SYNPO2: variants seen among roughly 807,000 people sequenced by gnomAD.
SYNPO2 encodes the protein synaptopodin-2.
In SYNPO2, 56 loss-of-function variants were observed where a neutral mutation model predicts 85.0. The ratio of observed to expected loss-of-function variants is 0.66; its 90% CI spans 0.53 to 0.82. The LOEUF (loss-of-function observed/expected upper bound fraction) is 0.82, where lower values mean the gene tolerates loss of function less well. Ranked by LOEUF, SYNPO2 falls within the 40% of genes least tolerant of loss-of-function variation. The probability of loss-of-function intolerance (pLI) is 0.00; values close to 1 mark genes in which losing one functional copy is unlikely to be tolerated. For missense variants in SYNPO2, 1,575 were observed against 1,534.2 expected, an observed-to-expected ratio of 1.03 and a Z score of -0.44; for synonymous variants, 602 against 591.1, an observed-to-expected ratio of 1.02 and a Z score of -0.27.
intron 1 of SYNPO2, among the ~76,000 whole-genome samples, chr4:118,960,073 A>AGGGC (rs763758861): frequency 1.4e-4 from 22 of 152,194 alleles, no homozygotes; most frequent in Non-Finnish European, 2.8e-4. Context: ...TGTGGCCACA[A>AGGGC]GGGCACAAGT....
At chr4:118,995,660 A>G (rs1037869662) in intron 1 of SYNPO2, among the ~76,000 whole-genome samples, 1 of 152,200 alleles carries the variant, frequency 6.6e-6, no homozygotes, top group Non-Finnish European at 1.5e-5. Context: ...CTCTGAAGCT[A>G]GATTACCCAG....
intron 1 of SYNPO2, among the ~76,000 whole-genome samples, chr4:118,954,326 C>CT (rs1044906076): frequency 1.1e-4 from 17 of 151,886 alleles, no homozygotes; most frequent in Non-Finnish European, 2.1e-4. Context: ...CTCGCTCTTT[C>CT]TTTTTTTTCC....
chr4:118,880,229 C>A (rs908023714), intron 1 of SYNPO2, among the ~76,000 whole-genome samples: 1 of 152,158 alleles, frequency 6.6e-6, no homozygotes, highest in African/African-American at 2.4e-5. Flanking sequence ...TCTGTCTGGT[C>A]ATTTTATATA....
At chr4:119,036,995 A>T in intron 4 of SYNPO2, 1 of 1,329,800 alleles carries the variant, frequency 7.5e-7, no homozygotes, top group Non-Finnish European at 9.6e-7. Context: ...TGTTATTAAT[A>T]TAGGTAATAA....
chr4:118,871,328 G>A (rs187134471), intron 1 of SYNPO2, among the ~76,000 whole-genome samples: 25 of 151,428 alleles, frequency 1.7e-4, no homozygotes, highest in East Asian at 1.6e-3. Flanking sequence ...TGGAATTACA[G>A]GAGTGACTCC....
intron 1 of SYNPO2, among the ~76,000 whole-genome samples, chr4:118,977,110 G>C (rs552105634): frequency 6.6e-6 from 1 of 152,208 alleles, no homozygotes; most frequent in South Asian, 2.1e-4. Context: ...GGTGGTGCTC[G>C]TCAGGGAGGC....
At chr4:118,920,650 G>A (rs1733502335) in intron 1 of SYNPO2, among the ~76,000 whole-genome samples, 1 of 152,094 alleles carries the variant, frequency 6.6e-6, no homozygotes. Context: ...TGTAGTTTGA[G>A]TGTAATGTAA....
rs1738255809 is a variant in SYNPO2, at chr4:119,031,463, C to T, written c.2688C>T (p.His896=). ...TCGATTCAGACACGGTGCAGGCCCA[C>T]GCTGCTCGAGCTCAGTCTCCCACTC... ...YVVDSDTVQA[H]AARAQSPTPS... is the part of the protein sequence containing the mutation. The change falls in exon 4 of 5, where the codon CAC becomes CAT. Residue 896 remains histidine (H), a synonymous_variant. Transcript: ENST00000307142. 7 of 1,613,984 alleles carry T rather than the reference C, an allele frequency of 4.3e-6. No individual in the cohort carries two copies. Among genetic ancestry groups the T allele is most frequent in the African/African-American group, 2.7e-5 (2 of 74,888 alleles).
At chr4:118,964,261 G>A (rs1316780785) in intron 1 of SYNPO2, among the ~76,000 whole-genome samples, 2 of 151,732 alleles carry the variant, frequency 1.3e-5, no homozygotes, top group Non-Finnish European at 2.9e-5. Context: ...ACCAGCCTGG[G>A]CAACAGGCAA....
At chr4:118,998,648 C>T (rs1254769543) in intron 1 of SYNPO2, among the ~76,000 whole-genome samples, 1 of 152,208 alleles carries the variant, frequency 6.6e-6, no homozygotes, top group African/African-American at 2.4e-5. Context: ...GTGCTAGTTT[C>T]AGCTGTGTCA....
intron 1 of SYNPO2, among the ~76,000 whole-genome samples, chr4:118,895,715 G>A (rs902684606): frequency 6.6e-6 from 1 of 152,190 alleles, no homozygotes; most frequent in Non-Finnish European, 1.5e-5. Flanking sequence ...CACAGGAAAT[G>A]CAAGGATCCT....
At chr4:119,033,452 CTTT>C (rs1439780390) in intron 4 of SYNPO2, 1 of 985,244 alleles carries the variant, frequency 1.0e-6, no homozygotes, top group Non-Finnish European at 1.2e-6. Flanking sequence ...ACCTGAAGAC[CTTT>C]CTCAGATCTA....
chr4:119,024,443 C>T (rs191666657), intron 2 of SYNPO2, among the ~76,000 whole-genome samples: 290 of 152,246 alleles, frequency 1.9e-3, no homozygotes, highest in Non-Finnish European at 3.4e-3. Flanking sequence ...CTCAACTCTG[C>T]AGAAACACTA....
At chr4:118,868,825 A>G (rs1169742547) in intron 1 of SYNPO2, among the ~76,000 whole-genome samples, 2 of 152,198 alleles carry the variant, frequency 1.3e-5, no homozygotes, top group Non-Finnish European at 2.9e-5. Context: ...ACTACAGGAA[A>G]ATACCCTGAA....
chr4:118,856,143 A>G (rs1466497856), intron 1 of SYNPO2, among the ~76,000 whole-genome samples: 1 of 152,216 alleles, frequency 6.6e-6, no homozygotes, highest in Non-Finnish European at 1.5e-5. Flanking sequence ...ATTTGAGGGT[A>G]GGAGCCATAT....
intron 1 of SYNPO2, among the ~76,000 whole-genome samples, chr4:118,871,182 C>T (rs768460004): frequency 2.5e-4 from 38 of 152,234 alleles, no homozygotes; most frequent in Admixed American, 5.9e-4. Flanking sequence ...AATGTCACCT[C>T]CACATGACAG....
At chr4:119,048,328 C>T (rs1043917137) in intron 4 of SYNPO2, among the ~76,000 whole-genome samples, 2 of 152,176 alleles carry the variant, frequency 1.3e-5, no homozygotes, top group Non-Finnish European at 2.9e-5. Context: ...ACCACATTTT[C>T]AGTTTATGAC....
intron 4 of SYNPO2, among the ~76,000 whole-genome samples, chr4:119,053,342 A>C (rs888290203): frequency 2.0e-5 from 3 of 152,234 alleles, no homozygotes; most frequent in Non-Finnish European, 4.4e-5. Context: ...GGAATGATTT[A>C]TTTATATCCC....
At chr4:119,019,074 G>A (rs1737623249) in intron 1 of SYNPO2, among the ~76,000 whole-genome samples, 1 of 152,146 alleles carries the variant, frequency 6.6e-6, no homozygotes, top group Non-Finnish European at 1.5e-5. Context: ...GGGGAGGCTG[G>A]GAGGAGGGAG....
Sources: allele counts gnomAD v4.1 joint callset (sites outside exome capture counted in the v4.1 genomes callset), GRCh38; gene constraint gnomAD v4.1.1; transcripts MANE v1.5; gene names NCBI Gene and HGNC (gene_info 2026-07-23, HGNC 2026-07-21).